Variants in CEP112 observed in about 807,000 individuals in gnomAD.
CEP112 encodes centrosomal protein of 112 kDa.
A neutral mutation model predicts 153.0 loss-of-function variants in CEP112; 127 were observed. That is an observed-to-expected ratio of 0.83 (90% CI 0.72 to 0.96). CEP112 has a LOEUF of 0.96. Ranked by LOEUF, CEP112 falls within the 40% of genes least tolerant of loss-of-function variation. The pLI, the probability that CEP112 is intolerant of heterozygous loss-of-function variation, is 0.00. For synonymous variants in CEP112, 358 were observed against 374.4 expected (o/e 0.96, Z 0.51); for missense variants, 1,089 against 1,101.2 (o/e 0.99, Z 0.16).
intron 24 of CEP112, among the ~76,000 whole-genome samples, chr17:65,644,944 A>G (rs950279389): frequency 1.3e-5 from 2 of 151,936 alleles, no homozygotes; most frequent in Non-Finnish European, 2.9e-5. Flanking sequence ...TTCTGCTTGG[A>G]TGCTATGATT....
chr17:65,914,955 A>C (rs28544970), intron 19 of CEP112, among the ~76,000 whole-genome samples: 2 of 152,200 alleles, frequency 1.3e-5, no homozygotes, highest in South Asian at 2.1e-4. Context: ...GCCATGCAGC[A>C]GTCAGTTCTC....
intron 24 of CEP112, among the ~76,000 whole-genome samples, chr17:65,675,234 T>C (rs1370590248): frequency 6.6e-6 from 1 of 152,040 alleles, no homozygotes; most frequent in Non-Finnish European, 1.5e-5. Flanking sequence ...AGTAGAAAAA[T>C]CTAAATACCG....
At chr17:66,045,078 T>C (rs1443297) in intron 12 of CEP112, among the ~76,000 whole-genome samples, 81 of 135,706 alleles carry the variant, frequency 6.0e-4, no homozygotes, top group Admixed American at 5.4e-3. Context: ...AAAAAAAAAA[T>C]TTTTTTTTTT....
intron 20 of CEP112, among the ~76,000 whole-genome samples, chr17:65,861,771 G>A (rs1299104885): frequency 6.6e-6 from 1 of 152,106 alleles, no homozygotes; most frequent in African/African-American, 2.4e-5. Flanking sequence ...GTATCAATGG[G>A]TACTCTTACA....
chr17:65,659,046 A>G (rs1234929554), intron 24 of CEP112, among the ~76,000 whole-genome samples: 1 of 147,014 alleles, frequency 6.8e-6, no homozygotes, highest in South Asian at 2.2e-4. Flanking sequence ...AAAAAATATC[A>G]GACCATTTCT....
At chr17:65,856,475 A>C (rs533000362) in intron 20 of CEP112, among the ~76,000 whole-genome samples, 2 of 152,338 alleles carry the variant, frequency 1.3e-5, no homozygotes, top group South Asian at 4.1e-4. Context: ...GGAAGAGTAC[A>C]TATTTATTGT....
intron 23 of CEP112, among the ~76,000 whole-genome samples, chr17:65,717,688 C>A (rs1363055830): frequency 6.6e-6 from 1 of 152,112 alleles, no homozygotes; most frequent in Non-Finnish European, 1.5e-5. Context: ...CTTCTCAAAC[C>A]CTGTATCCCA....
intron 23 of CEP112, among the ~76,000 whole-genome samples, chr17:65,693,357 C>T (rs2048207050): frequency 6.6e-6 from 1 of 152,028 alleles, no homozygotes; most frequent in Non-Finnish European, 1.5e-5. Context: ...AGCTAACTTT[C>T]TTCCTTTTTC....
chr17:66,159,214 T>C (rs1373850950), intron 4 of CEP112, among the ~76,000 whole-genome samples: 1 of 152,130 alleles, frequency 6.6e-6, no homozygotes, highest in Non-Finnish European at 1.5e-5. Context: ...ATTAATAGCC[T>C]ACCAACCAAA....
chr17:65,749,428 A>C (rs1323328170), intron 22 of CEP112, among the ~76,000 whole-genome samples: 1 of 152,070 alleles, frequency 6.6e-6, no homozygotes, highest in African/African-American at 2.4e-5. Context: ...GAATGGCGTG[A>C]ATCAGGGAGG....
chr17:65,654,599 T>C (rs2045963300), intron 24 of CEP112, among the ~76,000 whole-genome samples: 1 of 152,210 alleles, frequency 6.6e-6, no homozygotes, highest in Non-Finnish European at 1.5e-5. Flanking sequence ...AGGACCATTT[T>C]CTGATCCTGT....
chr17:65,757,163 G>T (rs1391893154), intron 21 of CEP112, among the ~76,000 whole-genome samples: 1 of 152,140 alleles, frequency 6.6e-6, no homozygotes, highest in Non-Finnish European at 1.5e-5. Flanking sequence ...TTGATCTTGG[G>T]CTTCTAGCTT....
At chr17:65,641,262 G>A (rs1179253363) in intron 24 of CEP112, among the ~76,000 whole-genome samples, 197 bp from the exon 25 acceptor site, 1 of 152,210 alleles carries the variant, frequency 6.6e-6, no homozygotes, top group Non-Finnish European at 1.5e-5. Flanking sequence ...GACTCTGAGA[G>A]AGATGGTCCC....
In CEP112 at chr17:65,858,061, C is replaced by T. The variant is rs559701210; in HGVS notation, c.2164-6027G>A. The stretch of plus-strand genomic sequence containing the variant: ...AATTTCTATGTCCTTGCATTCTCTA[C>T]AACTTGGTGATTACATACGTTATTT... On this transcript the variant is annotated intron_variant, in intron 20 of 26. Transcript: ENST00000535342. Among the ~76,000 whole-genome samples, 32 of 152,294 alleles carry T rather than the reference C, an allele frequency of 2.1e-4. No homozygotes were observed. The South Asian group carries it at 3.9e-3, about 19-fold the overall frequency.
chr17:65,862,328 C>T (rs1307026118), intron 20 of CEP112, among the ~76,000 whole-genome samples: 1 of 152,162 alleles, frequency 6.6e-6, no homozygotes, highest in East Asian at 1.9e-4. Flanking sequence ...GTGGCTCACG[C>T]CTGTAATCCT....
intron 24 of CEP112, among the ~76,000 whole-genome samples, chr17:65,657,850 T>C (rs1446089109): frequency 6.6e-6 from 1 of 152,230 alleles, no homozygotes; most frequent in African/African-American, 2.4e-5. Flanking sequence ...GTTGGAGCAC[T>C]GGACACATAG....
chr17:65,716,837 G>T (rs1018099245), intron 23 of CEP112, among the ~76,000 whole-genome samples: 1 of 152,134 alleles, frequency 6.6e-6, no homozygotes, highest in African/African-American at 2.4e-5. Context: ...CTGTAGAGGG[G>T]CATTTCAGGG....
At chr17:65,951,026 G>C (rs1378659309) in intron 18 of CEP112, among the ~76,000 whole-genome samples, 1 of 151,962 alleles carries the variant, frequency 6.6e-6, no homozygotes. Flanking sequence ...CTATTAATAT[G>C]ATATGTAACA....
chr17:65,903,546 G>A (rs538733312), intron 19 of CEP112, among the ~76,000 whole-genome samples: 2 of 152,078 alleles, frequency 1.3e-5, no homozygotes, highest in East Asian at 1.9e-4. Context: ...AAAGAGTAGC[G>A]GGTACCATTC....
Sources: gnomAD v4.1 joint callset for allele counts (sites outside exome capture counted in the v4.1 genomes callset) on GRCh38, gnomAD v4.1.1 for gene constraint, MANE v1.5 for transcripts, NCBI Gene and HGNC (gene_info 2026-07-23, HGNC 2026-07-21) for gene names.